Variants in ZNF333 observed in about 807,000 individuals in gnomAD.
ZNF333 encodes zinc finger protein 333.
Under a neutral mutation model 76.1 loss-of-function variants are expected in ZNF333, and 61 were observed. That is an observed-to-expected ratio of 0.80 (90% CI 0.65 to 0.99). The LOEUF is 0.99. Ranked by LOEUF, ZNF333 falls within the 50% of genes least tolerant of loss-of-function variation. The pLI, the probability that ZNF333 is intolerant of heterozygous loss-of-function variation, is 0.00. For synonymous variants in ZNF333, 284 were observed against 305.0 expected (o/e 0.93, Z 0.72); for missense variants, 717 against 822.4 (o/e 0.87, Z 1.57).
chr19:14,705,178 T>C lies in ZNF333; in HGVS notation c.423+8T>C. The C allele has an allele frequency of 6.2e-7, 1 of 1,610,986 alleles. No homozygotes were observed. Among genetic ancestry groups the C allele is most frequent in the Non-Finnish European group, 8.5e-7 (1 of 1,178,756 alleles). ...TGGTCTCTGGGATGCACGGTAAGCC[T>C]GGGAGAGGTTCACTGTGATGGCACC... On this transcript the variant is annotated splice_region_variant and intron_variant, in intron 6 of 11. Transcript: ENST00000292530.
In ZNF333 at chr19:14,719,607, TG is replaced by T; in HGVS notation, c.*283del. 8.6e-7 allele frequency: 1 copy of T among 1,164,218 alleles called. No individual in the cohort carries two copies. The highest frequency in any genetic ancestry group is 1.1e-6 in the Non-Finnish European group (1 of 937,692). 72.1% of individuals were successfully genotyped at this position (1,164,218 alleles called of 1,614,324 possible). On this transcript the variant is annotated 3_prime_UTR_variant, in exon 12 of 12. Coordinates refer to ENST00000292530, the MANE Select transcript of ZNF333 (RefSeq NM_032433.4). ...TGAGTTTGACAGATGCATACATGCA[TG>T]TAACCACCACCCCATTCCAGATATA...
chr19:14,708,107 A>G (rs2042168671), intron 7 of ZNF333: 1 of 390,470 alleles, frequency 2.6e-6, no homozygotes, highest in Admixed American at 4.5e-5. Flanking sequence ...TCCCGGGTTC[A>G]AGCGATTTTC....
At chr19:14,695,156 C>T (rs1428821530) in intron 3 of ZNF333, 23 bp downstream of exon 3, 2 of 1,608,788 alleles carry the variant, frequency 1.2e-6, no homozygotes, top group South Asian at 2.2e-5. Flanking sequence ...TCACCTGGCT[C>T]CTTCCTGTAC....
Position 14,698,582 on chromosome 19 carries a change from G to A in ZNF333, c.224-617G>A, listed in dbSNP as rs1300808828. ...TAAAGAAAACATGTGGCTCATGCCT[G>A]TAATCCCAGCACTTTGGGAGGCTGA... On this transcript the variant is annotated intron_variant, in intron 4 of 11. Transcript: ENST00000292530. Among the ~76,000 whole-genome samples the A allele has an allele frequency of 4.0e-5, 6 of 151,604 alleles. No individual in the cohort carries two copies. In the East Asian group the frequency reaches 5.8e-4, roughly 15 times the overall value.
At chr19:14,714,538 G>T (rs2042370433) in intron 7 of ZNF333, among the ~76,000 whole-genome samples, 1 of 152,130 alleles carries the variant, frequency 6.6e-6, no homozygotes, top group South Asian at 2.1e-4. Flanking sequence ...CTCTAAAACT[G>T]CGAGAGGATA....
intron 11 of ZNF333, among the ~76,000 whole-genome samples, chr19:14,728,176 G>A (rs2042645720): frequency 6.6e-6 from 1 of 152,210 alleles, no homozygotes; most frequent in South Asian, 2.1e-4. Context: ...TTGTGCCACT[G>A]CACTCCAGCC....
downstream of ZNF333, among the ~76,000 whole-genome samples, chr19:14,723,264 C>T (rs900290867): frequency 2.0e-5 from 3 of 152,268 alleles, no homozygotes; most frequent in South Asian, 2.1e-4. Context: ...GCTCCCTCCT[C>T]GATTCCATTG....
rs1358355207 is a variant in ZNF333 at position 14,695,087 on chromosome 19, G to T, written c.81G>T (p.Leu27=). 1.2e-6 allele frequency: 2 copies of T among 1,614,008 alleles called. No individual in the cohort carries two copies. Among genetic ancestry groups the T allele is most frequent in the Non-Finnish European group, 1.7e-6 (2 of 1,179,982 alleles). The change falls in exon 3 of 12, where the codon CTG becomes CTT. Residue 27 remains leucine (L), a synonymous_variant. Coordinates refer to ENST00000292530, the MANE Select transcript of ZNF333 (RefSeq NM_032433.4). ...WALLDSARRS[L]CKYRMLDQCR... is the part of the protein sequence containing the mutation. Reference sequence around the variant, plus strand: ...TGCTGGACAGCGCACGGAGGAGCCTGTGCAAATACAGGATGCTTGACCAGT... The same window carrying T: ...TGCTGGACAGCGCACGGAGGAGCCTTTGCAAATACAGGATGCTTGACCAGT...
chr19:14,728,463 G>A (rs896583972), intron 11 of ZNF333, among the ~76,000 whole-genome samples: 1 of 152,090 alleles, frequency 6.6e-6, no homozygotes, highest in Admixed American at 6.6e-5. Context: ...TTTTTAAATG[G>A]TCATGTTATC....
intron 5 of ZNF333, chr19:14,699,530 G>A (rs947599949): frequency 2.2e-5 from 8 of 355,832 alleles, no homozygotes; most frequent in African/African-American, 4.2e-5. Flanking sequence ...GCATGATCTC[G>A]GCTCATTTCA....
At position 14,717,633 on chromosome 19, in the gene ZNF333, T is replaced by C. The variant is rs1461935955; in HGVS notation, c.824-24T>C. ...CAGTTTCTTTCTCTGTGTGCTTAAC[T>C]TTTTCTTCCCTAATTCATTTCAGAA... is the stretch of plus-strand genomic sequence containing the variant. On this transcript the variant is annotated intron_variant, in intron 10 of 11. Transcript: ENST00000292530. The C allele has an allele frequency of 3.7e-6, 6 of 1,608,824 alleles. No individual in the cohort carries two copies. In the Admixed American group the frequency reaches 8.3e-5, roughly 22 times the overall value.
chr19:14,704,497 C>A (rs2042053468), intron 5 of ZNF333, among the ~76,000 whole-genome samples: 2 of 152,108 alleles, frequency 1.3e-5, no homozygotes, highest in African/African-American at 4.8e-5. Context: ...TGTGTTCACA[C>A]TGCTGATAAA....
At chr19:14,691,676 C>CTTTTTTT (rs71166784) in intron 1 of ZNF333, among the ~76,000 whole-genome samples, 4 of 121,964 alleles carry the variant, frequency 3.3e-5, no homozygotes, top group African/African-American at 6.3e-5. Context: ...GTCATATTGT[C>CTTTTTTT]TTTTTTTTTT....
Position 14,721,090 on chromosome 19 carries a change from G to A in ZNF333, c.*1765G>A. The A allele has an allele frequency of 1.9e-6, 1 of 538,356 alleles. No homozygotes were observed. Among genetic ancestry groups the A allele is most frequent in the Non-Finnish European group, 2.4e-6 (1 of 422,402 alleles). The allele number at this position is 538,356 out of a possible 1,614,324, so 33.3% of individuals were successfully genotyped here. On this transcript the variant is annotated 3_prime_UTR_variant, in exon 12 of 12. Coordinates refer to ENST00000292530, the MANE Select transcript of ZNF333 (RefSeq NM_032433.4). ...TAATAGATAGTAGCCACTGCCTGAA[G>A]CTTTGCATCTTTTAATTTAGTCCTC... is the stretch of plus-strand genomic sequence containing the variant.
intron 5 of ZNF333, among the ~76,000 whole-genome samples, chr19:14,702,913 A>G (rs566251965): frequency 2.0e-5 from 3 of 152,110 alleles, no homozygotes; most frequent in South Asian, 4.1e-4. Flanking sequence ...TTATAAAACC[A>G]TCAGATCGTG....
upstream of ZNF333, chr19:14,690,047 G>A (rs1972623131): frequency 6.5e-6 from 1 of 152,702 alleles, no homozygotes. Context: ...CCCGAGACCG[G>A]AAGCGGAAGT....
chr19:14,707,436 C>T (rs367873273), intron 7 of ZNF333, among the ~76,000 whole-genome samples: 1 of 98,748 alleles, frequency 1.0e-5, no homozygotes, highest in African/African-American at 3.4e-5. Flanking sequence ...AGCCACTTCT[C>T]CTGAGAAGTG....
intron 8 of ZNF333, 148 bp downstream of exon 8, chr19:14,715,618 G>T: frequency 2.8e-6 from 2 of 707,990 alleles, no homozygotes; most frequent in Non-Finnish European, 4.8e-6. Context: ...CAGCAAGGGA[G>T]CATGGGCCAT....
At chr19:14,703,767 G>A (rs1303381435) in intron 5 of ZNF333, among the ~76,000 whole-genome samples, 1 of 152,148 alleles carries the variant, frequency 6.6e-6, no homozygotes, top group Non-Finnish European at 1.5e-5. Flanking sequence ...TTGATTTAGG[G>A]CAGGGGAAAT....
Sources: allele counts gnomAD v4.1 joint callset (sites outside exome capture counted in the v4.1 genomes callset), GRCh38; gene constraint gnomAD v4.1.1; transcripts MANE v1.5; gene names NCBI Gene and HGNC (gene_info 2026-07-23, HGNC 2026-07-21).